The following MCCC2 variants were observed in gnomAD, a reference collection of about 807,000 sequenced individuals.
MCCC2 encodes methylcrotonoyl-CoA carboxylase beta chain, mitochondrial.
MCCC2 carries 52 observed loss-of-function variants against 77.2 expected under a neutral mutation model. The ratio of observed to expected loss-of-function variants is 0.67; its 90% CI spans 0.54 to 0.85. The LOEUF (loss-of-function observed/expected upper bound fraction) is 0.85, where lower values mean the gene tolerates loss of function less well. Ranked by LOEUF, MCCC2 falls within the 40% of genes least tolerant of loss-of-function variation. The probability of loss-of-function intolerance (pLI) is 0.00; values close to 1 mark genes in which losing one functional copy is unlikely to be tolerated. For missense variants in MCCC2, 682 were observed against 703.2 expected (o/e 0.97, Z 0.34); for synonymous variants, 253 against 248.4 (o/e 1.02, Z -0.18).
intron 6 of MCCC2, among the ~76,000 whole-genome samples, chr5:71,611,810 A>G (rs1050477228): frequency 3.4e-4 from 49 of 144,938 alleles, no homozygotes; most frequent in Middle Eastern, 3.4e-3. Flanking sequence ...TTTTTTTGAG[A>G]TGGAGTCTTG....
chr5:71,620,168 G>A (rs1265724381), intron 6 of MCCC2, among the ~76,000 whole-genome samples: 1 of 152,162 alleles, frequency 6.6e-6, no homozygotes, highest in East Asian at 1.9e-4. Context: ...AGTTGGCATA[G>A]GTAAGCATGA....
intron 10 of MCCC2, chr5:71,636,836 C>T (rs1746948701): frequency 2.0e-5 from 3 of 151,972 alleles, no homozygotes; most frequent in African/African-American, 7.2e-5. Context: ...CACTGCTTCC[C>T]AGGTTCAAGC....
intron 13 of MCCC2, among the ~76,000 whole-genome samples, chr5:71,648,430 A>G (rs550977093): frequency 6.6e-6 from 1 of 152,298 alleles, no homozygotes; most frequent in South Asian, 2.1e-4. Flanking sequence ...AAATGGAAAA[A>G]TAGTTTTTTT....
chr5:71,602,769 A>G, intron 5 of MCCC2, 136 bp downstream of exon 5: 3 of 1,315,474 alleles, frequency 2.3e-6, no homozygotes, highest in Non-Finnish European at 3.2e-6. Context: ...AAGGAAACAC[A>G]GGTTCTTTGC....
intron 1 of MCCC2, among the ~76,000 whole-genome samples, chr5:71,589,049 T>G (rs956221456): frequency 1.3e-5 from 2 of 152,124 alleles, no homozygotes; most frequent in African/African-American, 4.8e-5. Flanking sequence ...TAGACCTAGG[T>G]GACAGTGGAG....
intron 8 of MCCC2, among the ~76,000 whole-genome samples, chr5:71,633,091 T>A (rs7719746): frequency 7.1e-4 from 60 of 84,208 alleles, no homozygotes; most frequent in African/African-American, 2.2e-3. Context: ...TTTTTCAGTT[T>A]TATATATATA....
Position 71,641,283 on chromosome 5 carries a change from C to G in MCCC2, c.1072+208C>G, listed in dbSNP as rs144996958. 348 of 576,074 alleles carry G rather than the reference C, an allele frequency of 6.0e-4. 1 individual carries two copies. The highest frequency in any genetic ancestry group is 4.8e-3 in the African/African-American group (255 of 53,420). 35.7% of individuals were successfully genotyped at this position (576,074 alleles called of 1,614,324 possible). On this transcript the variant is annotated intron_variant, in intron 11 of 16. Transcript: ENST00000340941. ...TCCAAATAGTTTAAAATGTTAATAGCTAGATGCTGTGGTGTGGGTCCCTAT... is the reference window on the plus strand; with the variant it reads ...TCCAAATAGTTTAAAATGTTAATAGGTAGATGCTGTGGTGTGGGTCCCTAT...
chr5:71,648,433 G>GT lies in MCCC2; in HGVS notation c.1217-655dup, dbSNP rs532761057. Among the ~76,000 whole-genome samples the GT allele has an allele frequency of 6.3e-4, 95 of 151,788 alleles. 2 individuals carry two copies. The South Asian group carries it at 0.018, about 28-fold the overall frequency. ...GATCCTCTATTGAAATGGAAAAATA[G>GT]TTTTTTTTTAACCTTGCTATTGAGT... On this transcript the variant is annotated intron_variant, in intron 13 of 16. Coordinates refer to ENST00000340941, the MANE Select transcript of MCCC2 (RefSeq NM_022132.5).
At chr5:71,630,651 G>A (rs1248572080) in intron 7 of MCCC2, among the ~76,000 whole-genome samples, 1 of 152,136 alleles carries the variant, frequency 6.6e-6, no homozygotes, top group African/African-American at 2.4e-5. Context: ...ATTTAGTTCT[G>A]GGGGTGGAAT....
chr5:71,602,407 C>T, intron 4 of MCCC2, 99 bp from the exon 5 acceptor site: 1 of 1,462,420 alleles, frequency 6.8e-7, no homozygotes, highest in South Asian at 1.1e-5. Flanking sequence ...GTGATACGTA[C>T]TAGAAGTTGA....
intron 5 of MCCC2, chr5:71,603,187 C>G (rs1003812013): frequency 6.5e-6 from 1 of 154,524 alleles, no homozygotes; most frequent in Non-Finnish European, 1.4e-5. Context: ...CCGAGGCAGG[C>G]GGATCATGAG....
intron 2 of MCCC2, among the ~76,000 whole-genome samples, chr5:71,593,395 T>G (rs935281048): frequency 6.6e-6 from 1 of 152,118 alleles, no homozygotes. Context: ...TGGCTGAGCT[T>G]TTGACTCTTA....
At chr5:71,601,534 T>C (rs376014017) in intron 4 of MCCC2, among the ~76,000 whole-genome samples, 75 of 152,304 alleles carry the variant, frequency 4.9e-4, no homozygotes, top group African/African-American at 1.3e-3. Context: ...GGGAATAAAA[T>C]TGATGCTCAA....
intron 7 of MCCC2, 84 bp from the exon 8 acceptor site, chr5:71,632,037 C>T: frequency 8.7e-7 from 1 of 1,143,700 alleles, no homozygotes; most frequent in Non-Finnish European, 1.3e-6. Flanking sequence ...CAGGTATAGT[C>T]AGGTGAGGAG....
chr5:71,621,932 G>A (rs1746361978), intron 6 of MCCC2, among the ~76,000 whole-genome samples: 1 of 152,170 alleles, frequency 6.6e-6, no homozygotes, highest in Non-Finnish European at 1.5e-5. Flanking sequence ...ATAAATGCTT[G>A]AGGGGATAGA....
chr5:71,645,589 T>G (rs1407560115), intron 12 of MCCC2, among the ~76,000 whole-genome samples: 2 of 152,260 alleles, frequency 1.3e-5, no homozygotes, highest in African/African-American at 4.8e-5. Context: ...AATGTCATCT[T>G]CATATCCCAG....
At chr5:71,598,572 TGGGATTACAGGCACGTGCCTCCACGCC>T (rs1745285909) in intron 3 of MCCC2, among the ~76,000 whole-genome samples, 2 of 151,290 alleles carry the variant, frequency 1.3e-5, no homozygotes, top group Non-Finnish European at 2.9e-5. Context: ...CCCGAGTAGC[TGGGATTACAGGCACGTGCCTCCACGCC>T]TGGCTAATTT....
intron 6 of MCCC2, among the ~76,000 whole-genome samples, chr5:71,609,840 G>A (rs1322662207): frequency 2.0e-5 from 3 of 152,094 alleles, no homozygotes; most frequent in Admixed American, 6.6e-5. Flanking sequence ...TGAGATGTCA[G>A]TGTGCCCCTG....
chr5:71,606,407 A>AT (rs1745678351), intron 6 of MCCC2, among the ~76,000 whole-genome samples: 1 of 152,044 alleles, frequency 6.6e-6, no homozygotes, highest in Admixed American at 6.6e-5. Flanking sequence ...AATGCTTGTG[A>AT]TTTTTGTACA....
Sources: allele counts gnomAD v4.1 joint callset (sites outside exome capture counted in the v4.1 genomes callset), GRCh38; gene constraint gnomAD v4.1.1; transcripts MANE v1.5; gene names NCBI Gene and HGNC (gene_info 2026-07-23, HGNC 2026-07-21).